The following IL1RAPL1 variants were observed in gnomAD, a reference collection of about 807,000 sequenced individuals.
The protein encoded by IL1RAPL1 is interleukin-1 receptor accessory protein-like 1.
A neutral mutation model predicts 48.4 loss-of-function variants in IL1RAPL1; 3 were observed. The ratio of observed to expected loss-of-function variants is 0.06; its 90% CI spans 0.03 to 0.16. The LOEUF is 0.16. Among genes scored for constraint, IL1RAPL1 ranks in the 10% least tolerant of loss-of-function variants. The pLI is 1.00. For missense variants in IL1RAPL1, 349 were observed against 530.6 expected, an observed-to-expected ratio of 0.66 and a Z score of 3.36; for synonymous variants, 185 against 187.7, an observed-to-expected ratio of 0.99 and a Z score of 0.12.
intron 6 of IL1RAPL1, among the ~76,000 whole-genome samples, chrX:29,785,339 C>T (rs1338128531): frequency 8.9e-6 from 1 of 112,372 alleles, no homozygotes; most frequent in African/African-American, 3.2e-5. Context: ...ATCTGAAAGA[C>T]TGGTCATACC....
At chrX:28,757,798 G>C (rs965784945) in intron 1 of IL1RAPL1, among the ~76,000 whole-genome samples, 7 of 111,828 alleles carry the variant, frequency 6.3e-5, no homozygotes, top group Non-Finnish European at 7.5e-5. Context: ...TTACTCTTTA[G>C]TCGACGTTCC....
At chrX:29,505,046 T>A (rs1935313115) in intron 5 of IL1RAPL1, among the ~76,000 whole-genome samples, 1 of 109,633 alleles carries the variant, frequency 9.1e-6, no homozygotes, top group Admixed American at 9.5e-5. Context: ...TGAAACATAA[T>A]TATAACATTC....
intron 5 of IL1RAPL1, among the ~76,000 whole-genome samples, chrX:29,602,252 G>T (rs2147062702): frequency 9.0e-6 from 1 of 110,742 alleles, no homozygotes; most frequent in Non-Finnish European, 1.9e-5. Context: ...CAAAGTGCTG[G>T]GATTACAGGT....
chrX:29,528,176 T>C lies in IL1RAPL1; in HGVS notation c.703+128868T>C, dbSNP rs1003960351. 4.8e-4 allele frequency among the ~76,000 whole-genome samples: 54 copies of C among 112,523 alleles called. 1 individual carries two copies. The highest frequency in any genetic ancestry group is 1.6e-3 in the African/African-American group (48 of 30,962). On this transcript the variant is annotated intron_variant, in intron 5 of 10. Transcript: ENST00000378993. Reference sequence around the variant, plus strand: ...GAAATTAGCCTGAAGATATATCTCCTACAATGCAAATATATGTACATATAA... The same window carrying C: ...GAAATTAGCCTGAAGATATATCTCCCACAATGCAAATATATGTACATATAA...
At chrX:29,038,920 C>A (rs1261743161) in intron 2 of IL1RAPL1, among the ~76,000 whole-genome samples, 2 of 111,105 alleles carry the variant, frequency 1.8e-5, no homozygotes, top group African/African-American at 3.3e-5. Flanking sequence ...TAAAGGAGAG[C>A]AAAAGCATAA....
intron 6 of IL1RAPL1, among the ~76,000 whole-genome samples, chrX:29,846,777 T>C (rs189728784): frequency 0.019 from 1,372 of 72,705 alleles, 30 homozygotes; most frequent in African/African-American, 0.076. Flanking sequence ...TACATATATA[T>C]GTATATATGT....
At chrX:29,216,625 C>T (rs1930874702) in intron 2 of IL1RAPL1, among the ~76,000 whole-genome samples, 1 of 111,646 alleles carries the variant, frequency 9.0e-6, no homozygotes, top group Admixed American at 9.6e-5. Flanking sequence ...GCAACTCAAA[C>T]AAAAGTTCGC....
intron 2 of IL1RAPL1, among the ~76,000 whole-genome samples, chrX:29,129,122 C>T (rs751689952): frequency 1.2e-3 from 131 of 104,852 alleles, no homozygotes; most frequent in African/African-American, 4.4e-3. Context: ...AGGCTCACCG[C>T]GACCTCCGCC....
chrX:29,414,174 A>T (rs2147700090), intron 5 of IL1RAPL1, among the ~76,000 whole-genome samples: 1 of 111,293 alleles, frequency 9.0e-6, no homozygotes, highest in Admixed American at 9.7e-5. Flanking sequence ...AGTAGAGATT[A>T]TTAAAGGTTG....
chrX:29,554,329 T>A (rs925240176), intron 5 of IL1RAPL1, among the ~76,000 whole-genome samples: 1 of 111,597 alleles, frequency 9.0e-6, no homozygotes, highest in African/African-American at 3.3e-5. Flanking sequence ...AAAATTATAA[T>A]AAATAATATT....
At chrX:29,475,192 A>T (rs763673205) in intron 5 of IL1RAPL1, among the ~76,000 whole-genome samples, 1 of 112,075 alleles carries the variant, frequency 8.9e-6, no homozygotes, top group East Asian at 2.8e-4. Flanking sequence ...GTGCCTATTT[A>T]TACTACACTG....
At chrX:29,802,774 T>TATGTATAC (rs1365421710) in intron 6 of IL1RAPL1, among the ~76,000 whole-genome samples, 31 of 24,992 alleles carry the variant, frequency 1.2e-3, no homozygotes, top group African/African-American at 7.1e-3. Context: ...TATATATATA[T>TATGTATAC]ATATATATGT....
chrX:29,214,001 A>G (rs1930819566), intron 2 of IL1RAPL1, among the ~76,000 whole-genome samples: 1 of 111,845 alleles, frequency 8.9e-6, no homozygotes, highest in Non-Finnish European at 1.9e-5. Context: ...CTAGGACAGT[A>G]TCTACTAGAT....
chrX:29,370,129 T>C (rs2147665974), intron 3 of IL1RAPL1, among the ~76,000 whole-genome samples: 1 of 112,098 alleles, frequency 8.9e-6, no homozygotes, highest in African/African-American at 3.2e-5. Context: ...AAATACAATT[T>C]TTCTCTGTTT....
At chrX:29,405,376 A>AT (rs1242045865) in intron 5 of IL1RAPL1, among the ~76,000 whole-genome samples, 2 of 95,799 alleles carry the variant, frequency 2.1e-5, no homozygotes, top group South Asian at 4.6e-4. Flanking sequence ...TTATTTATTT[A>AT]TTTTTTTTGA....
At chrX:28,986,621 TATAAC>T (rs1223653524) in intron 2 of IL1RAPL1, among the ~76,000 whole-genome samples, 20 of 112,385 alleles carry the variant, frequency 1.8e-4, no homozygotes, top group Admixed American at 1.5e-3. Flanking sequence ...AGAGTGAAAT[TATAAC>T]ATACAAGGGA....
intron 6 of IL1RAPL1, among the ~76,000 whole-genome samples, chrX:29,812,834 C>T (rs944792498): frequency 2.7e-5 from 3 of 110,555 alleles, no homozygotes. Flanking sequence ...GTCTTTTAAC[C>T]GATTTGAAAT....
intron 1 of IL1RAPL1, among the ~76,000 whole-genome samples, chrX:28,606,459 C>T (rs1232815788): frequency 8.9e-6 from 1 of 111,832 alleles, no homozygotes; most frequent in Non-Finnish European, 1.9e-5. Context: ...ATAATATCTT[C>T]TCTAGGTATA....
intron 5 of IL1RAPL1, among the ~76,000 whole-genome samples, chrX:29,573,364 T>C (rs1217821140): frequency 8.9e-6 from 1 of 112,571 alleles, no homozygotes; most frequent in African/African-American, 3.2e-5. Context: ...TCATAGGTAG[T>C]AACAAAGAAT....
Sources: allele counts gnomAD v4.1 joint callset (sites outside exome capture counted in the v4.1 genomes callset), GRCh38; gene constraint gnomAD v4.1.1; transcripts MANE v1.5; gene names NCBI Gene and HGNC (gene_info 2026-07-23, HGNC 2026-07-21).